BARD1: variants seen among roughly 807,000 people sequenced by gnomAD.
BARD1 encodes the protein BRCA1-associated RING domain protein 1.
BARD1 carries 73 observed loss-of-function variants against 77.0 expected under a neutral mutation model. That is an observed-to-expected ratio of 0.95 (90% CI 0.79 to 1.15). The LOEUF (loss-of-function observed/expected upper bound fraction) is 1.15. Ranked by LOEUF, BARD1 falls within the 50% of genes most tolerant of loss-of-function variation. The probability of loss-of-function intolerance (pLI) is 0.00; values close to 1 mark genes in which losing one functional copy is unlikely to be tolerated. For synonymous variants in BARD1, 384 were observed against 338.0 expected, an observed-to-expected ratio of 1.14 and a Z score of -1.49; for missense variants, 993 against 938.8, an observed-to-expected ratio of 1.06 and a Z score of -0.75.
At chr2:214,786,998 C>T (rs1044163106) in intron 3 of BARD1, among the ~76,000 whole-genome samples, 55 of 151,874 alleles carry the variant, frequency 3.6e-4, no homozygotes, top group African/African-American at 1.3e-3. Flanking sequence ...ACCAGGATTA[C>T]TTTTCAAGAA....
Sources: gnomAD v4.1 joint callset for allele counts (sites outside exome capture counted in the v4.1 genomes callset) on GRCh38, gnomAD v4.1.1 for gene constraint, MANE v1.5 for transcripts, NCBI Gene and HGNC (gene_info 2026-07-23, HGNC 2026-07-21) for gene names.